Variants in RAPGEF5 observed in about 807,000 individuals in gnomAD.
RAPGEF5 encodes the protein Rap guanine nucleotide exchange factor 5.
In RAPGEF5, 65 loss-of-function variants were observed where a neutral mutation model predicts 125.2. The ratio of observed to expected loss-of-function variants is 0.52; its 90% CI spans 0.43 to 0.64. The LOEUF is 0.64. Among genes scored for constraint, RAPGEF5 ranks in the 30% least tolerant of loss-of-function variants. RAPGEF5 has a pLI of 0.00. For missense variants in RAPGEF5, 958 were observed against 1,048.1 expected, an observed-to-expected ratio of 0.91 and a Z score of 1.19; for synonymous variants, 391 against 385.9, an observed-to-expected ratio of 1.01 and a Z score of -0.16.
At chr7:22,330,396 G>A (rs1783894289) in intron 1 of RAPGEF5, among the ~76,000 whole-genome samples, 2 of 152,214 alleles carry the variant, frequency 1.3e-5, no homozygotes, top group Non-Finnish European at 1.5e-5. Flanking sequence ...GGAGCCCTGT[G>A]CAAGTGTAAA....
intron 7 of RAPGEF5, among the ~76,000 whole-genome samples, chr7:22,254,961 G>A (rs568157915): frequency 2.6e-5 from 4 of 152,140 alleles, no homozygotes; most frequent in South Asian, 2.1e-4. Flanking sequence ...AATATGCCAC[G>A]GACAGGCACC....
chr7:22,164,693 T>C (rs1784108105), intron 12 of RAPGEF5, among the ~76,000 whole-genome samples: 1 of 152,190 alleles, frequency 6.6e-6, no homozygotes, highest in African/African-American at 2.4e-5. Flanking sequence ...TTCTTTTACA[T>C]TTTGTCTATG....
rs1299559470 is a variant in RAPGEF5 at position 22,157,877 on chromosome 7, T to A, written c.1535A>T (p.Asp512Val). 6.2e-7 allele frequency: 1 copy of A among 1,611,910 alleles called. No homozygotes were observed. The highest frequency in any genetic ancestry group is 8.5e-7 in the Non-Finnish European group (1 of 1,178,206). ...ILGMHRRHTV[D>V]EYSPQKKNKA... is the part of the protein sequence containing the mutation. Reference sequence around the variant, plus strand: ...TACCTTTTTTTGTGGTGAATATTCATCTACAGTGCTGAAAGGAAAAATGGC... The same window carrying A: ...TACCTTTTTTTGTGGTGAATATTCAACTACAGTGCTGAAAGGAAAAATGGC... Residue 512 changes from aspartate to valine, a missense_variant, in exon 15 of 26, where the codon GAT (aspartate) becomes GTT (valine). Transcript: ENST00000665637.
intron 23 of RAPGEF5, among the ~76,000 whole-genome samples, chr7:22,131,899 GC>G (rs1782925549): frequency 6.6e-6 from 1 of 152,182 alleles, no homozygotes; most frequent in Non-Finnish European, 1.5e-5. Flanking sequence ...AGCAACTGAA[GC>G]TCTGAGAGTG....
intron 19 of RAPGEF5, 111 bp downstream of exon 19, chr7:22,146,786 T>C: frequency 7.6e-7 from 1 of 1,312,290 alleles, no homozygotes; most frequent in Non-Finnish European, 1.0e-6. Flanking sequence ...CCAAATATCT[T>C]TTGGACCACG....
At chr7:22,352,906 C>T (rs1003782109) in intron 1 of RAPGEF5, among the ~76,000 whole-genome samples, 3 of 152,080 alleles carry the variant, frequency 2.0e-5, no homozygotes, top group Admixed American at 6.5e-5. Context: ...TAGGCTACAA[C>T]GATCTGTGAT....
chr7:22,162,541 G>C lies in RAPGEF5; in HGVS notation c.1284C>G (p.His428Gln), dbSNP rs1356377728. 6.2e-7 allele frequency: 1 copy of C among 1,602,456 alleles called. No homozygotes were observed. The highest frequency in any genetic ancestry group is 8.5e-7 in the Non-Finnish European group (1 of 1,172,940). The change falls in exon 13 of 26, where the codon CAC becomes CAG. Residue 428 changes from histidine to glutamine, a missense_variant and splice_region_variant. Coordinates refer to ENST00000665637, the MANE Select transcript of RAPGEF5 (RefSeq NM_012294.5). Reference protein sequence around the residue: ...TDDLCQALLRHYSAKKYQGKE... With the variant: ...TDDLCQALLRQYSAKKYQGKE... ...TGCCTTGATACTTCTTAGCAGAATA[G>C]GTGCAAATGGTTAAGAAAAAATTAT...
intron 1 of RAPGEF5, among the ~76,000 whole-genome samples, chr7:22,324,106 C>T (rs1002973110): frequency 1.3e-5 from 2 of 152,194 alleles, no homozygotes; most frequent in African/African-American, 4.8e-5. Context: ...GCTCACACCA[C>T]TTTAAACAAA....
chr7:22,230,378 T>A (rs1786027215), intron 8 of RAPGEF5, among the ~76,000 whole-genome samples: 3 of 152,254 alleles, frequency 2.0e-5, no homozygotes, highest in Admixed American at 2.0e-4. Context: ...GTCAGAATTT[T>A]AAAATGCTCC....
chr7:22,178,703 G>C (rs1209760651), intron 11 of RAPGEF5, among the ~76,000 whole-genome samples: 1 of 152,202 alleles, frequency 6.6e-6, no homozygotes, highest in Non-Finnish European at 1.5e-5. Flanking sequence ...GCACATGGAT[G>C]TGTTCACCGA....
chr7:22,133,272 G>A (rs938599599), intron 23 of RAPGEF5, among the ~76,000 whole-genome samples: 2 of 152,200 alleles, frequency 1.3e-5, no homozygotes, highest in Non-Finnish European at 2.9e-5. Context: ...AGACAGGCTG[G>A]AAGGTGCTGC....
chr7:22,329,491 G>C (rs947121384), intron 1 of RAPGEF5, among the ~76,000 whole-genome samples: 2 of 152,066 alleles, frequency 1.3e-5, no homozygotes, highest in Non-Finnish European at 1.5e-5. Context: ...GTCTAGTCCA[G>C]ACACATGATG....
intron 11 of RAPGEF5, among the ~76,000 whole-genome samples, chr7:22,188,409 A>G (rs556453828): frequency 7.2e-5 from 11 of 152,310 alleles, no homozygotes; most frequent in African/African-American, 2.4e-4. Flanking sequence ...GACAAGATTA[A>G]AAAGTTAATA....
chr7:22,222,016 G>A (rs1285233466), intron 8 of RAPGEF5, among the ~76,000 whole-genome samples: 1 of 152,176 alleles, frequency 6.6e-6, no homozygotes, highest in African/African-American at 2.4e-5. Context: ...GGAGGCTGAG[G>A]AGGGTGGATC....
intron 1 of RAPGEF5, among the ~76,000 whole-genome samples, chr7:22,349,422 C>CAAAAA (rs34428356): frequency 1.3e-5 from 1 of 74,978 alleles, no homozygotes; most frequent in Non-Finnish European, 2.6e-5. Context: ...AGACTCCATC[C>CAAAAA]AAAAAAAAAA....
chr7:22,155,019 AATTC>A (rs1437397328), intron 16 of RAPGEF5, among the ~76,000 whole-genome samples: 1 of 152,158 alleles, frequency 6.6e-6, no homozygotes, highest in Non-Finnish European at 1.5e-5. Flanking sequence ...TAAAGTGTCT[AATTC>A]ATAAATTTTT....
intron 7 of RAPGEF5, among the ~76,000 whole-genome samples, chr7:22,231,695 T>C (rs1467661335): frequency 2.0e-5 from 3 of 152,126 alleles, no homozygotes; most frequent in African/African-American, 7.2e-5. Flanking sequence ...GTATTTTACA[T>C]AACTGGGATC....
intron 1 of RAPGEF5, among the ~76,000 whole-genome samples, chr7:22,340,905 A>G (rs1011618641): frequency 6.6e-6 from 1 of 152,230 alleles, no homozygotes; most frequent in Non-Finnish European, 1.5e-5. Flanking sequence ...ATGACCAGAA[A>G]GAAGAGAAAA....
At chr7:22,214,662 C>G (rs1445487800) in intron 9 of RAPGEF5, among the ~76,000 whole-genome samples, 1 of 151,962 alleles carries the variant, frequency 6.6e-6, no homozygotes, top group Non-Finnish European at 1.5e-5. Flanking sequence ...TGGGCAAGCA[C>G]CTTTTCTTTT....
Sources: allele counts gnomAD v4.1 joint callset (sites outside exome capture counted in the v4.1 genomes callset), GRCh38; gene constraint gnomAD v4.1.1; transcripts MANE v1.5; gene names NCBI Gene and HGNC (gene_info 2026-07-23, HGNC 2026-07-21).